TTBK2: variants seen among roughly 807,000 people sequenced by gnomAD.
TTBK2 encodes tau tubulin kinase 2.
Under a neutral mutation model 110.8 loss-of-function variants are expected in TTBK2, and 28 were observed. The ratio of observed to expected loss-of-function variants is 0.25; its 90% CI spans 0.19 to 0.35. The LOEUF (loss-of-function observed/expected upper bound fraction) is 0.35, where lower values mean the gene tolerates loss of function less well. Among genes scored for constraint, TTBK2 ranks in the 10% least tolerant of loss-of-function variants. The pLI, the probability that TTBK2 is intolerant of heterozygous loss-of-function variation, is 1.00. For missense variants in TTBK2, 1,369 were observed against 1,500.3 expected (o/e 0.91, Z 1.45); for synonymous variants, 532 against 527.3 (o/e 1.01, Z -0.12).
At chr15:42,856,729 G>C (rs993253514) in intron 3 of TTBK2, among the ~76,000 whole-genome samples, 1 of 152,040 alleles carries the variant, frequency 6.6e-6, no homozygotes, top group Non-Finnish European at 1.5e-5. Context: ...TATGAAAAAA[G>C]AAAAAGAATC....
intron 3 of TTBK2, among the ~76,000 whole-genome samples, chr15:42,857,971 T>A (rs1249183906): frequency 6.6e-6 from 1 of 151,882 alleles, no homozygotes; most frequent in African/African-American, 2.4e-5. Context: ...TCGTCCCAGC[T>A]ACTAGGGAGG....
chr15:42,800,894 G>A (rs1447546468), intron 9 of TTBK2: 4 of 644,040 alleles, frequency 6.2e-6, no homozygotes, highest in Non-Finnish European at 1.1e-5. Flanking sequence ...CGTTCCCTGT[G>A]TTCCCCTGCA....
At chr15:42,881,282 C>CAAA (rs10717895) in intron 1 of TTBK2, among the ~76,000 whole-genome samples, 45 of 43,366 alleles carry the variant, frequency 1.0e-3, no homozygotes, top group East Asian at 1.7e-3. Context: ...GCTTCCGTCT[C>CAAA]AAAAAAAAAA....
At chr15:42,800,658 G>A (rs940089389) in intron 9 of TTBK2, among the ~76,000 whole-genome samples, 2 of 151,576 alleles carry the variant, frequency 1.3e-5, no homozygotes, top group Non-Finnish European at 1.5e-5. Context: ...AGATTATTTA[G>A]AGCAAAAGAA....
At position 42,746,154 on chromosome 15, in the gene TTBK2, T is replaced by C. The variant is rs897114231; in HGVS notation, c.3376A>G (p.Thr1126Ala). 1 of 1,613,946 alleles carries C rather than the reference T, an allele frequency of 6.2e-7. No individual in the cohort carries two copies. Among genetic ancestry groups the C allele is most frequent in the Non-Finnish European group, 8.5e-7 (1 of 1,180,000 alleles). Residue 1126 changes from threonine to alanine, a missense_variant, in exon 15 of 15, where the codon ACT becomes GCT. By Grantham distance (58) the Thr-to-Ala change is moderately conservative (BLOSUM62 0). Around this residue, in one of 4 missense-constraint regions of TTBK2, gnomAD observed 1,097 missense variants for 1,114.7 expected, o/e 0.98. Coordinates refer to ENST00000267890, the MANE Select transcript of TTBK2 (RefSeq NM_173500.4). Reference sequence around the variant, plus strand: ...GGAGATCCTGGACTCTTGCACTGAGTAGTGCTCCGGGGTTTCTGAGATCCA... The same window carrying C: ...GGAGATCCTGGACTCTTGCACTGAGCAGTGCTCCGGGGTTTCTGAGATCCA... ...QNGSQKPRST[T>A]QCKSPGSPHN...
intron 1 of TTBK2, among the ~76,000 whole-genome samples, chr15:42,897,909 T>C (rs960670138): frequency 2.7e-5 from 4 of 150,704 alleles, no homozygotes; most frequent in African/African-American, 9.8e-5. Flanking sequence ...GAGATAACCA[T>C]CCAGGCGCAG....
At chr15:42,797,648 CT>C (rs1416436003) in intron 9 of TTBK2, among the ~76,000 whole-genome samples, 3 of 152,104 alleles carry the variant, frequency 2.0e-5, no homozygotes, top group Admixed American at 6.5e-5. Context: ...CAGGGACTTA[CT>C]TTTTTTGGTA....
rs78434658 is a variant in TTBK2, at chr15:42,907,610, G to T, written c.-68+12828C>A. Among the ~76,000 whole-genome samples the T allele has an allele frequency of 2.4e-4, 37 of 152,200 alleles. No individual in the cohort carries two copies. In the East Asian group the frequency reaches 7.0e-3, roughly 29 times the overall value. ...TTTCACTCATATGCCAGAGCTAAAA[G>T]AGTAATCTCATGAAGATAGAGAGTA... On this transcript the variant is annotated intron_variant, in intron 1 of 14. Transcript: ENST00000267890.
intron 3 of TTBK2, among the ~76,000 whole-genome samples, chr15:42,853,693 T>C (rs1893811810): frequency 6.6e-6 from 1 of 152,120 alleles, no homozygotes; most frequent in South Asian, 2.1e-4. Flanking sequence ...TTTTTAAATA[T>C]AACCAACATC....
chr15:42,880,683 T>C (rs1005763549), intron 1 of TTBK2, among the ~76,000 whole-genome samples: 1 of 152,158 alleles, frequency 6.6e-6, no homozygotes, highest in Admixed American at 6.5e-5. Context: ...CATGAACCAC[T>C]GCACCTGGTC....
In TTBK2 at chr15:42,764,222, C is replaced by A. The variant is rs1281522736; in HGVS notation, c.1998+10913G>T. On this transcript the variant is annotated intron_variant, in intron 13 of 14. Transcript: ENST00000267890. ...AGACAGGTGATTTCTGCATTTCCAA[C>A]TGAGGTACCTGGTTCATCTCACTGG... Among the ~76,000 whole-genome samples, 5 of 152,192 alleles carry A rather than the reference C, an allele frequency of 3.3e-5. No individual in the cohort carries two copies. In the East Asian group the frequency reaches 9.6e-4, roughly 29 times the overall value.
At chr15:42,912,369 T>C (rs1351159335) in intron 1 of TTBK2, among the ~76,000 whole-genome samples, 1 of 152,170 alleles carries the variant, frequency 6.6e-6, no homozygotes, top group Non-Finnish European at 1.5e-5. Context: ...AACTAGATAA[T>C]TCACCAAATA....
At chr15:42,895,624 G>A (rs1895636358) in intron 1 of TTBK2, among the ~76,000 whole-genome samples, 3 of 150,156 alleles carry the variant, frequency 2.0e-5, no homozygotes, top group Non-Finnish European at 3.0e-5. Context: ...TGCAAGTTCC[G>A]CCTCCCGGGT....
At chr15:42,799,170 CCAT>C (rs780410241) in intron 9 of TTBK2, among the ~76,000 whole-genome samples, 4 of 152,080 alleles carry the variant, frequency 2.6e-5, no homozygotes, top group Non-Finnish European at 5.9e-5. Flanking sequence ...GAGATCGAGA[CCAT>C]CCTCACTAAC....
intron 3 of TTBK2, among the ~76,000 whole-genome samples, chr15:42,868,438 T>C (rs1168434205): frequency 6.6e-6 from 1 of 152,170 alleles, no homozygotes; most frequent in Admixed American, 6.5e-5. Context: ...AGGGAGTACA[T>C]GCATGTGTGA....
At chr15:42,760,168 T>G (rs1216449394) in intron 13 of TTBK2, among the ~76,000 whole-genome samples, 1 of 152,020 alleles carries the variant, frequency 6.6e-6, no homozygotes, top group Admixed American at 6.6e-5. Context: ...GGCAGATAAC[T>G]TGAGGTCAGG....
rs1889878776 is a variant in TTBK2, at chr15:42,775,589, G to A, written c.1544C>T (p.Ala515Val). 1.9e-6 allele frequency: 3 copies of A among 1,614,126 alleles called. No homozygotes were observed. Among genetic ancestry groups the A allele is most frequent in the Non-Finnish European group, 2.5e-6 (3 of 1,180,024 alleles). ...GGTGTTGGCAGAAGCAGGCTTGGAGGCATCTGGAAGATATTCTTCATCATA... is the reference window on the plus strand; with the variant it reads ...GGTGTTGGCAGAAGCAGGCTTGGAGACATCTGGAAGATATTCTTCATCATA... ...WHYDEEYLPD[A>V]SKPASANTPE... is the part of the protein sequence containing the mutation. The change falls in exon 13 of 15, where the codon GCC (alanine) becomes GTC (valine). Residue 515 changes from alanine (A) to valine (V), a missense_variant. Physicochemically the swap from Ala to Val is moderately conservative, Grantham distance 64. Around this residue, in one of 4 missense-constraint regions of TTBK2, gnomAD observed 1,097 missense variants for 1,114.7 expected, o/e 0.98. Transcript: ENST00000267890.
rs186720367 is a variant in TTBK2 at position 42,775,362 on chromosome 15, C to T, written c.1771G>A (p.Ala591Thr). 10 of 1,614,072 alleles carry T rather than the reference C, an allele frequency of 6.2e-6. No homozygotes were observed. The East Asian group carries it at 2.2e-4, about 36-fold the overall frequency. ...EEPEVLQVLE[A>T]SPQDEKLQLG... ...TGGAGCTTTTCATCTTGAGGTGATGCCTCCAGGACTTGAAGTACTTCAGGC... is the reference window on the plus strand; with the variant it reads ...TGGAGCTTTTCATCTTGAGGTGATGTCTCCAGGACTTGAAGTACTTCAGGC... The change falls in exon 13 of 15, where the codon GCA becomes ACA. Residue 591 changes from alanine (A) to threonine (T), a missense_variant. Ala to Thr is a moderately conservative substitution (Grantham distance 58). Coordinates refer to ENST00000267890, the MANE Select transcript of TTBK2 (RefSeq NM_173500.4).
At chr15:42,896,429 C>T (rs1409528788) in intron 1 of TTBK2, among the ~76,000 whole-genome samples, 1 of 152,104 alleles carries the variant, frequency 6.6e-6, no homozygotes, top group African/African-American at 2.4e-5. Context: ...AACAGAACCC[C>T]TGTCTAAATC....
Sources: allele counts gnomAD v4.1 joint callset (sites outside exome capture counted in the v4.1 genomes callset), GRCh38; gene constraint gnomAD v4.1.1; regional missense constraint gnomAD v4.1.1; transcripts MANE v1.5; gene names NCBI Gene and HGNC (gene_info 2026-07-23, HGNC 2026-07-21).